Variants in TRPM3 observed in about 807,000 individuals in gnomAD.
TRPM3 encodes the protein transient receptor potential cation channel subfamily M member 3, also known as long transient receptor potential channel 3.
TRPM3 carries 77 observed loss-of-function variants against 181.2 expected under a neutral mutation model. That is an observed-to-expected ratio of 0.42 (90% confidence interval 0.35 to 0.51). The LOEUF (loss-of-function observed/expected upper bound fraction) is 0.51, where lower values mean the gene tolerates loss of function less well. TRPM3 is among the 20% of genes least tolerant of loss of function. TRPM3 has a pLI of 0.01. For missense variants in TRPM3, 1,759 were observed against 2,196.7 expected, an observed-to-expected ratio of 0.80 and a Z score of 3.98; for synonymous variants, 745 against 796.4, an observed-to-expected ratio of 0.94 and a Z score of 1.09.
intron 22 of TRPM3, among the ~76,000 whole-genome samples, chr9:70,568,107 A>T (rs12351121): frequency 0.086 from 13,088 of 152,264 alleles, 781 homozygotes; most frequent in African/African-American, 0.17. Flanking sequence ...AATAAAATAT[A>T]TGTGTAAGAT....
chr9:70,626,948 T>C (rs1462223717), intron 12 of TRPM3, among the ~76,000 whole-genome samples: 1 of 152,196 alleles, frequency 6.6e-6, no homozygotes, highest in Non-Finnish European at 1.5e-5. Context: ...TGAGAGCCTC[T>C]TATAATATGC....
At chr9:70,795,739 T>C (rs1025846852) in intron 6 of TRPM3, among the ~76,000 whole-genome samples, 2 of 152,244 alleles carry the variant, frequency 1.3e-5, no homozygotes. Flanking sequence ...CAACTCCAAG[T>C]GTATTATATA....
intron 1 of TRPM3, among the ~76,000 whole-genome samples, chr9:71,434,948 T>G (rs1182493409): frequency 1.3e-5 from 2 of 152,044 alleles, no homozygotes; most frequent in Admixed American, 6.5e-5. Flanking sequence ...AATGCAAACT[T>G]TCAACTTAAG....
chr9:70,793,532 CATACATACATAT>C (rs1564321987), intron 6 of TRPM3: 9 of 427,240 alleles, frequency 2.1e-5, no homozygotes, highest in Admixed American at 1.7e-4. Context: ...CACATATAAA[CATACATACATAT>C]ATACATACAT....
At chr9:70,676,148 G>T (rs568557273) in intron 9 of TRPM3, among the ~76,000 whole-genome samples, 2 of 152,298 alleles carry the variant, frequency 1.3e-5, no homozygotes, top group African/African-American at 2.4e-5. Context: ...AGAAAAGAAA[G>T]CAAGCAATAA....
chr9:71,446,689 G>A, exon 1 of TRPM3: 1 of 1,550,484 alleles, frequency 6.4e-7, no homozygotes, highest in Non-Finnish European at 8.7e-7. Flanking sequence ...AGCGTTTGGT[G>A]GACCCCTGCT....
intron 1 of TRPM3, among the ~76,000 whole-genome samples, chr9:71,344,627 T>C (rs1255032577): frequency 6.6e-6 from 1 of 152,158 alleles, no homozygotes; most frequent in Non-Finnish European, 1.5e-5. Context: ...GCTAAGACTA[T>C]AAAACTTTTA....
chr9:71,216,018 A>T (rs1420208950), intron 1 of TRPM3, among the ~76,000 whole-genome samples: 1 of 152,202 alleles, frequency 6.6e-6, no homozygotes, highest in African/African-American at 2.4e-5. Context: ...GAGTTCCATG[A>T]AAAAAGATTT....
chr9:71,166,824 G>A (rs2076564352), intron 1 of TRPM3, among the ~76,000 whole-genome samples: 2 of 152,082 alleles, frequency 1.3e-5, no homozygotes, highest in African/African-American at 4.8e-5. Context: ...TCAAACATAA[G>A]TTATTTAGAA....
intron 9 of TRPM3, among the ~76,000 whole-genome samples, chr9:70,671,930 A>ATT (rs10633740): frequency 0.31 from 43,623 of 141,338 alleles, 7,189 homozygotes; most frequent in African/African-American, 0.4. Flanking sequence ...TGTCCAGCTA[A>ATT]TTTTTTTTTT....
intron 1 of TRPM3, among the ~76,000 whole-genome samples, chr9:70,889,541 T>G (rs1380912373): frequency 6.6e-6 from 1 of 152,132 alleles, no homozygotes; most frequent in Non-Finnish European, 1.5e-5. Flanking sequence ...AGGATAGTGG[T>G]GGACTTTTCT....
rs566319658 is a variant in TRPM3, at chr9:70,669,444, T to C, written c.1345+12062A>G. On this transcript the variant is annotated intron_variant, in intron 9 of 25. Coordinates refer to ENST00000677713, the MANE Select transcript of TRPM3 (RefSeq NM_001366145.2). ...TATGACCCTGAAACAAAGAACACCA[T>C]GCTGTCATCTTCTGAGGAGAGATGG... 2.3e-4 allele frequency among the ~76,000 whole-genome samples: 35 copies of C among 152,308 alleles called. No individual in the cohort carries two copies. The East Asian group carries it at 6.4e-3, about 28-fold the overall frequency.
rs147655237 is a variant in TRPM3 at position 70,817,931 on chromosome 9, G to A, written c.973+9916C>T. Among the ~76,000 whole-genome samples the A allele has an allele frequency of 7.2e-5, 11 of 151,836 alleles. No individual in the cohort carries two copies. The East Asian group carries it at 1.4e-3, about 19-fold the overall frequency. On this transcript the variant is annotated intron_variant, in intron 6 of 25. Coordinates refer to ENST00000677713, the MANE Select transcript of TRPM3 (RefSeq NM_001366145.2). ...ACATGTTTATTTCAATCATGTTGAC[G>A]TTACTAAAATATTTTTGGTTTTTTT...
chr9:70,998,722 A>G (rs2097569580), intron 1 of TRPM3, among the ~76,000 whole-genome samples: 1 of 152,074 alleles, frequency 6.6e-6, no homozygotes, highest in Admixed American at 6.5e-5. Flanking sequence ...TGCTGTTTAC[A>G]TTATTCCCAT....
chr9:71,275,864 C>A (rs1436720735), intron 1 of TRPM3, among the ~76,000 whole-genome samples: 2 of 137,752 alleles, frequency 1.5e-5, no homozygotes, highest in African/African-American at 5.5e-5. Flanking sequence ...TTTTTTGAGA[C>A]AGAGTCTTGC....
chr9:70,585,532 C>A (rs1191120163), intron 22 of TRPM3, among the ~76,000 whole-genome samples: 1 of 152,178 alleles, frequency 6.6e-6, no homozygotes, highest in South Asian at 2.1e-4. Flanking sequence ...AGTCCCCATA[C>A]CCCCATAGTT....
chr9:70,825,377 G>A (rs1000050693), intron 6 of TRPM3: 1 of 152,066 alleles, frequency 6.6e-6, no homozygotes, highest in African/African-American at 2.4e-5. Context: ...ACTGGAAGAG[G>A]AGCCTGTGGG....
chr9:70,827,044 G>T (rs1224089409), intron 6 of TRPM3: 1 of 152,178 alleles, frequency 6.6e-6, no homozygotes, highest in Non-Finnish European at 1.5e-5. Context: ...AGATTCCTAT[G>T]CGCTTAAGAG....
intron 1 of TRPM3, among the ~76,000 whole-genome samples, chr9:70,869,781 T>C (rs1358969867): frequency 6.6e-6 from 1 of 152,040 alleles, no homozygotes; most frequent in Non-Finnish European, 1.5e-5. Flanking sequence ...CGGTGGCCTA[T>C]GGATGCAGAT....
Sources: gnomAD v4.1 joint callset for allele counts (sites outside exome capture counted in the v4.1 genomes callset) on GRCh38, gnomAD v4.1.1 for gene constraint, MANE v1.5 for transcripts, NCBI Gene and HGNC (gene_info 2026-07-23, HGNC 2026-07-21) for gene names.